The following CLUH variants were observed in gnomAD, a reference collection of about 807,000 sequenced individuals.
CLUH encodes clustered mitochondria protein homolog.
A neutral mutation model predicts 139.3 loss-of-function variants in CLUH; 77 were observed. The observed-to-expected ratio is 0.55, with a 90% CI of 0.46 to 0.67. CLUH has a LOEUF of 0.67. Ranked by LOEUF, CLUH falls within the 30% of genes least tolerant of loss-of-function variation. CLUH has a pLI of 0.00. For missense variants in CLUH, 1,876 were observed against 1,875.8 expected (o/e 1.00, Z 0.00); for synonymous variants, 999 against 801.6 (o/e 1.25, Z -4.16).
chr17:2,692,227 C>T, intron 22 of CLUH, 130 bp from the exon 23 acceptor site: 1 of 1,444,142 alleles, frequency 6.9e-7, no homozygotes, highest in South Asian at 1.3e-5. Context: ...AAGTCCAGGG[C>T]TCAGGGAAGA....
intron 3 of CLUH, among the ~76,000 whole-genome samples, chr17:2,702,476 A>T (rs540460212): frequency 6.6e-6 from 1 of 152,254 alleles, no homozygotes; most frequent in Non-Finnish European, 1.5e-5. Context: ...CAAGGCCCCC[A>T]ATGTCAACAC....
chr17:2,695,870 G>C (rs1473005106), intron 13 of CLUH: 1 of 580,180 alleles, frequency 1.7e-6, no homozygotes. Context: ...GGAGGAGGAG[G>C]AGGATGGGCA....
chr17:2,693,139 T>TAAAAA (rs1475140289), intron 19 of CLUH, among the ~76,000 whole-genome samples: 1 of 2,316 alleles, frequency 4.3e-4, no homozygotes, highest in Non-Finnish European at 9.1e-4. Context: ...CTAAAAATGT[T>TAAAAA]ACAAAAAAAA....
chr17:2,690,429 C>T lies in CLUH; in HGVS notation c.*165G>A, dbSNP rs2069575133. On this transcript the variant is annotated 3_prime_UTR_variant, in exon 26 of 26. Transcript: ENST00000651024. The stretch of plus-strand genomic sequence containing the variant: ...TGAACCAGCGCAAAAACACCTTCTG[C>T]GGGGCAGGCAGGCCAGGCTCCCAGG... 1.2e-5 allele frequency: 6 copies of T among 516,208 alleles called. No individual in the cohort carries two copies. The highest frequency in any genetic ancestry group is 1.9e-5 in the Non-Finnish European group (6 of 315,392). The allele number at this position is 516,208 out of a possible 1,614,324, so 32.0% of individuals were successfully genotyped here. A position where few individuals can be genotyped will look rare whatever the true frequency, so the allele number is the denominator to read the frequency against.
At position 2,696,079 on chromosome 17, in the gene CLUH, A is replaced by C. The variant is rs1440524592; in HGVS notation, c.2391+80T>G. 4 of 1,177,852 alleles carry C rather than the reference A, an allele frequency of 3.4e-6. No individual in the cohort carries two copies. The African/African-American group carries it at 4.6e-5, about 13-fold the overall frequency. The allele number at this position is 1,177,852 out of a possible 1,614,324, so 73.0% of individuals were successfully genotyped here. On this transcript the variant is annotated intron_variant, in intron 13 of 25. Transcript: ENST00000651024. ...AAGTCACTCCTGCGAGCCTGTGTTC[A>C]TGGGCCTCCAAGTCGGAGACAGATG...
intron 23 of CLUH, 28 bp from the exon 24 acceptor site, chr17:2,691,923 CCCCCCGTGCCCCCGCGG>C: frequency 1.5e-6 from 2 of 1,311,392 alleles, no homozygotes; most frequent in Non-Finnish European, 9.7e-7. Context: ...GGGATCAGGC[CCCCCCGTGCCCCCGCGG>C]CCCCGCCCCC....
rs771782413 is a variant in CLUH at position 2,694,583 on chromosome 17, G to A, written c.2853-19C>T. 10 of 1,556,632 alleles carry A rather than the reference G, an allele frequency of 6.4e-6. No individual in the cohort carries two copies. Among genetic ancestry groups the A allele is most frequent in the Non-Finnish European group, 7.8e-6 (9 of 1,149,058 alleles). On this transcript the variant is annotated intron_variant, in intron 16 of 25. Coordinates refer to ENST00000651024, the MANE Select transcript of CLUH (RefSeq NM_001366661.1). ...GGTCTCACTGAGGAGGGAGCAGGGG[G>A]CCTGAGCAGCCCAAGCACCGCCGGG... is the stretch of plus-strand genomic sequence containing the variant.
chr17:2,703,612 C>CA lies in CLUH; in HGVS notation c.304-124dup. The CA allele has an allele frequency of 1.1e-6, 1 of 893,744 alleles. No individual in the cohort carries two copies. The highest frequency in any genetic ancestry group is 1.7e-6 in the Non-Finnish European group (1 of 587,354). The allele number at this position is 893,744 out of a possible 1,614,324, so 55.4% of individuals were successfully genotyped here. On this transcript the variant is annotated intron_variant, in intron 2 of 25. Transcript: ENST00000651024. The surrounding 1 kb of genome is among the most constrained non-coding windows in gnomAD (Gnocchi z 4.2). ...GGACAATATCCCCTTGTCCCCAGCC[C>CA]AAAGTACCTTGGTCCCCAGAATAAA... is the stretch of plus-strand genomic sequence containing the variant.
At chr17:2,701,891 C>A in intron 4 of CLUH, 23 bp downstream of exon 4, 1 of 1,612,898 alleles carries the variant, frequency 6.2e-7, no homozygotes, top group Non-Finnish European at 8.5e-7. Flanking sequence ...TGGCCCAATC[C>A]CCGGCCCCAG....
At chr17:2,694,674 C>A in intron 16 of CLUH, 110 bp from the exon 17 acceptor site, 1 of 1,331,680 alleles carries the variant, frequency 7.5e-7, no homozygotes, top group South Asian at 1.4e-5. Flanking sequence ...CACTGCCCCA[C>A]CCGGCCCCCG....
intron 13 of CLUH, chr17:2,695,802 T>TG (rs938269323): frequency 8.6e-6 from 5 of 582,626 alleles, no homozygotes; most frequent in Non-Finnish European, 1.5e-5. Flanking sequence ...TCCTGAGGCT[T>TG]GGAGGCCACG....
Position 2,691,780 on chromosome 17 carries a change from G to T in CLUH, c.3770C>A (p.Ala1257Asp). ...MNEIYRNGSS[A>D]NIPPLKFTAP... ...ACTCACCTTGAGGGGCGGGATGTTG[G>T]CGCTGGAGCCGTTGCGGTAGATCTC... The change falls in exon 24 of 26, where the codon GCC becomes GAC. Residue 1257 changes from alanine (A) to aspartate (D), a missense_variant. Ala to Asp is a moderately radical substitution (Grantham distance 126). Around this residue, in one of 3 missense-constraint regions of CLUH, gnomAD observed 1,454 missense variants for 1,384.4 expected, o/e 1.05. Transcript: ENST00000651024. 6.3e-7 allele frequency: 1 copy of T among 1,593,688 alleles called. No homozygotes were observed.
rs1421048327 is a variant in CLUH at position 2,706,046 on chromosome 17, T to TGC, written c.101-1484_101-1483dup. ...GTTCAACGGTCCCAACTCTGAGGAG[T>TGC]GCCTGGGTTCCCTTCCAGAAAGAAG... On this transcript the variant is annotated intron_variant, in intron 1 of 25. Coordinates refer to ENST00000651024, the MANE Select transcript of CLUH (RefSeq NM_001366661.1). The surrounding 1 kb of genome is among the most constrained non-coding windows in gnomAD (Gnocchi z 4.6). Among the ~76,000 whole-genome samples, 1 of 151,804 alleles carries TGC rather than the reference T, an allele frequency of 6.6e-6. No individual in the cohort carries two copies. Among genetic ancestry groups the TGC allele is most frequent in the Non-Finnish European group, 1.5e-5 (1 of 67,938 alleles).
chr17:2,696,773 C>A lies in CLUH; in HGVS notation c.2131G>T (p.Gly711Cys). The part of the protein sequence containing the change: ...GSEEEGSSAS[G>C]LAKVKELAET... ...GCCAGCTCCTTCACCTTGGCCAGGC[C>A]GCTGGCGCTGCTACCCTCCTCCTCA... The change falls in exon 11 of 26, where the codon GGC (glycine) becomes TGC (cysteine). Residue 711 changes from glycine to cysteine, a missense_variant. By Grantham distance (159) the Gly-to-Cys change is radical (BLOSUM62 -3). Transcript: ENST00000651024. 3.7e-6 allele frequency: 6 copies of A among 1,612,860 alleles called. No individual in the cohort carries two copies. Among genetic ancestry groups the A allele is most frequent in the African/African-American group, 1.3e-5 (1 of 75,054 alleles).
rs2070042120 is a variant in CLUH at position 2,698,285 on chromosome 17, G to A, written c.1572C>T (p.Ser524=). ...CCCGCTCCAGGATGCCGGGGATGAT[G>A]GACTGGGCCGTGACCCGGTAGCCGC... The part of the protein sequence containing the change: ...DYRGYRVTAQ[S]IIPGILERDQ... Residue 524 remains serine, a synonymous_variant, in exon 10 of 26, where the codon TCC becomes TCT. Coordinates refer to ENST00000651024, the MANE Select transcript of CLUH (RefSeq NM_001366661.1). 3 of 1,611,724 alleles carry A rather than the reference G, an allele frequency of 1.9e-6. No homozygotes were observed. The highest frequency in any genetic ancestry group is 2.7e-5 in the African/African-American group (2 of 75,012).
intron 10 of CLUH, among the ~76,000 whole-genome samples, chr17:2,697,173 A>C (rs910509553): frequency 2.0e-5 from 3 of 152,128 alleles, no homozygotes; most frequent in Non-Finnish European, 4.4e-5. Context: ...CGAGGCAGGC[A>C]GATCACTTGA....
At chr17:2,694,339 C>CGG in intron 17 of CLUH, 63 bp from the exon 18 acceptor site, 1 of 1,536,092 alleles carries the variant, frequency 6.5e-7, no homozygotes, top group Non-Finnish European at 8.8e-7. Context: ...TGGCACCTCC[C>CGG]AACCCACCAA....
Position 2,701,975 on chromosome 17 carries a change from G to A in CLUH, c.558C>T (p.Phe186=). 6.2e-7 allele frequency: 1 copy of A among 1,614,000 alleles called. No homozygotes were observed. Among genetic ancestry groups the A allele is most frequent in the Non-Finnish European group, 8.5e-7 (1 of 1,179,906 alleles). Residue 186 remains phenylalanine (F), a synonymous_variant, in exon 4 of 26, where the codon TTC becomes TTT. Transcript: ENST00000651024. ...LLKSLDPSDA[F]NGVDCNSLSF... Reference sequence around the variant, plus strand: ...ACAAGGAGTTGCAGTCAACCCCGTTGAAGGCATCGGATGGGTCCAGGCTCT... The same window carrying A: ...ACAAGGAGTTGCAGTCAACCCCGTTAAAGGCATCGGATGGGTCCAGGCTCT...
At position 2,702,021 on chromosome 17, in the gene CLUH, C is replaced by T; in HGVS notation, c.512G>A (p.Arg171His). The change falls in exon 4 of 26, where the codon CGC (arginine) becomes CAC (histidine). Residue 171 changes from arginine to histidine, a missense_variant. Physicochemically the swap from Arg to His is conservative, Grantham distance 29 (BLOSUM62 0). Around this residue, in one of 3 missense-constraint regions of CLUH, gnomAD observed 270 missense variants for 354.7 expected, o/e 0.76. Coordinates refer to ENST00000651024, the MANE Select transcript of CLUH (RefSeq NM_001366661.1). ...GCTCTTGAGCAGGTCTCGGACATGG[C>T]GCACGTGGATGCGGGCCTCACGCAC... The part of the protein sequence containing the change: ...YTVREARIHV[R>H]HVRDLLKSLD... 8 of 1,613,878 alleles carry T rather than the reference C, an allele frequency of 5.0e-6. No individual in the cohort carries two copies. The highest frequency in any genetic ancestry group is 2.2e-5 in the East Asian group (1 of 44,888).
Sources: gnomAD v4.1 joint callset for allele counts (sites outside exome capture counted in the v4.1 genomes callset) on GRCh38, gnomAD v4.1.1 for gene constraint, gnomAD v4.1.1 regional missense constraint, Gnocchi (gnomAD v3.1) non-coding constraint, MANE v1.5 for transcripts, NCBI Gene and HGNC (gene_info 2026-07-23, HGNC 2026-07-21) for gene names.